The following B3GALNT1 variants were observed in gnomAD, a reference collection of about 807,000 sequenced individuals.
B3GALNT1 encodes beta-1,3-N-acetylgalactosaminyltransferase 1 (Globoside blood group), also known as UDP-GalNAc:beta-1,3-N-acetylgalactosaminyltransferase 1.
A neutral mutation model predicts 27.3 loss-of-function variants in B3GALNT1; 17 were observed. The observed-to-expected ratio is 0.62, with a 90% confidence interval of 0.43 to 0.94. B3GALNT1 has a LOEUF of 0.94. Ranked by LOEUF, B3GALNT1 falls within the 40% of genes least tolerant of loss-of-function variation. B3GALNT1 has a pLI of 0.00. For synonymous variants in B3GALNT1, 141 were observed against 144.0 expected, an observed-to-expected ratio of 0.98 and a Z score of 0.15; for missense variants, 347 against 390.0, an observed-to-expected ratio of 0.89 and a Z score of 0.93.
chr3:161,091,692 A>C (rs1160002749), intron 4 of B3GALNT1, among the ~76,000 whole-genome samples: 1 of 152,226 alleles, frequency 6.6e-6, no homozygotes. Context: ...GTCAAAGAGA[A>C]GCTCAAAGTG....
Position 161,086,440 on chromosome 3 carries a change from C to A in B3GALNT1, c.315G>T (p.Lys105Asn). 1 of 1,613,916 alleles carries A rather than the reference C, an allele frequency of 6.2e-7. No individual in the cohort carries two copies. The change falls in exon 5 of 5, where the codon AAG becomes AAT. Residue 105 changes from lysine to asparagine, a missense_variant. Transcript: ENST00000320474. ...TAAGAACCTCATATCCCCACCAAGACTTTTTTTCACCCCAAGTAACTCTAA... is the reference window on the plus strand; with the variant it reads ...TAAGAACCTCATATCCCCACCAAGAATTTTTTTCACCCCAAGTAACTCTAA... ...QAIRVTWGEK[K>N]SWWGYEVLTF...
intron 4 of B3GALNT1, among the ~76,000 whole-genome samples, chr3:161,092,558 G>A (rs946538288): frequency 2.6e-5 from 4 of 152,042 alleles, no homozygotes; most frequent in African/African-American, 9.7e-5. Context: ...GTAATTAACA[G>A]CTGCTAATTC....
chr3:161,090,280 C>T (rs1407727169), intron 4 of B3GALNT1, among the ~76,000 whole-genome samples: 4 of 151,882 alleles, frequency 2.6e-5, no homozygotes, highest in African/African-American at 9.7e-5. Context: ...AATGGGAAAA[C>T]TTATAATCCT....
intron 4 of B3GALNT1, among the ~76,000 whole-genome samples, chr3:161,096,820 C>A (rs914970004): frequency 6.6e-6 from 1 of 152,182 alleles, no homozygotes; most frequent in African/African-American, 2.4e-5. Context: ...TCTCACTTTG[C>A]GGCACATTAT....
In B3GALNT1 at chr3:161,084,854, G is replaced by C; in HGVS notation, c.*905C>G. On this transcript the variant is annotated 3_prime_UTR_variant, in exon 5 of 5. Coordinates refer to ENST00000320474, the MANE Select transcript of B3GALNT1 (RefSeq NM_003781.4). ...TTCTCTCCCTTCTTTTCTGCCTTCA[G>C]AGTCCTTTCCAAAAGGAAATTACTG... 6.6e-6 allele frequency: 1 copy of C among 152,202 alleles called. No individual in the cohort carries two copies. The highest frequency in any genetic ancestry group is 2.1e-4 in the South Asian group (1 of 4,808). 9.4% of individuals were successfully genotyped at this position (152,202 alleles called of 1,614,324 possible).
intron 4 of B3GALNT1, among the ~76,000 whole-genome samples, chr3:161,095,144 T>G (rs535643548): frequency 1.3e-5 from 2 of 152,266 alleles, no homozygotes; most frequent in Admixed American, 6.5e-5. Context: ...ACTCCCATTC[T>G]TATCCCTGAA....
rs540431780 is a variant in B3GALNT1 at position 161,086,611 on chromosome 3, G to A, written c.144C>T (p.Asn48=). ...LPHYNVIERV[N]WMYFYEYEPI... ...GCTCATACTCATAGAAGTACATCCAGTTCACGCGTTCTATCACATTGTAGT... is the reference window on the plus strand; with the variant it reads ...GCTCATACTCATAGAAGTACATCCAATTCACGCGTTCTATCACATTGTAGT... The change falls in exon 5 of 5, where the codon AAC becomes AAT. Residue 48 remains asparagine (N), a synonymous_variant. Coordinates refer to ENST00000320474, the MANE Select transcript of B3GALNT1 (RefSeq NM_003781.4). 1.2e-6 allele frequency: 2 copies of A among 1,614,178 alleles called. No individual in the cohort carries two copies. The highest frequency in any genetic ancestry group is 2.7e-5 in the African/African-American group (2 of 75,030).
chr3:161,096,645 T>C (rs1373669000), intron 4 of B3GALNT1, among the ~76,000 whole-genome samples: 2 of 152,174 alleles, frequency 1.3e-5, no homozygotes, highest in Non-Finnish European at 2.9e-5. Flanking sequence ...CATAAAGCAA[T>C]ATAAAACTCT....
intron 4 of B3GALNT1, among the ~76,000 whole-genome samples, chr3:161,099,535 C>T (rs1237293791): frequency 1.3e-5 from 2 of 152,178 alleles, no homozygotes; most frequent in African/African-American, 4.8e-5. Context: ...AATAACTGGG[C>T]AGTCAGGAAA....
chr3:161,089,140 T>C, intron 4 of B3GALNT1, among the ~76,000 whole-genome samples: 1 of 152,220 alleles, frequency 6.6e-6, no homozygotes, highest in Non-Finnish European at 1.5e-5. Context: ...ATGGGTATGT[T>C]ATGTATCTCT....
At chr3:161,100,802 T>C (rs917967062) in intron 4 of B3GALNT1, among the ~76,000 whole-genome samples, 2 of 151,928 alleles carry the variant, frequency 1.3e-5, no homozygotes, top group Non-Finnish European at 2.9e-5. Context: ...CTTAATAATT[T>C]GCAATACATG....
Position 161,086,215 on chromosome 3 carries a change from G to C in B3GALNT1, c.540C>G (p.Asp180Glu). ...TGCCAGTATTGATGAAAACATCAGT[G>C]TCTGTCTTCATTACGTACTTGGCAT... ...CPNAKYVMKT[D>E]TDVFINTGNL... is the part of the protein sequence containing the mutation. The change falls in exon 5 of 5, where the codon GAC becomes GAG. Residue 180 changes from aspartate to glutamate, a missense_variant. Transcript: ENST00000320474. The C allele has an allele frequency of 6.2e-7, 1 of 1,613,954 alleles. No homozygotes were observed. The highest frequency in any genetic ancestry group is 8.5e-7 in the Non-Finnish European group (1 of 1,179,884).
rs769316744 is a variant in B3GALNT1, at chr3:161,086,550, C to T, written c.205G>A (p.Glu69Lys). The change falls in exon 5 of 5, where the codon GAG becomes AAG. Residue 69 changes from glutamate (E) to lysine (K), a missense_variant. Physicochemically the swap from Glu to Lys is moderately conservative, Grantham distance 56 (BLOSUM62 1). Coordinates refer to ENST00000320474, the MANE Select transcript of B3GALNT1 (RefSeq NM_003781.4). ...YRQDFHFTLR[E>K]HSNCSHQNPF... is the part of the protein sequence containing the mutation. ...TTTTGATGAGAGCAGTTTGAATGCT[C>T]TCGAAGTGTGAAGTGAAAGTCTTGT... 41 of 1,614,054 alleles carry T rather than the reference C, an allele frequency of 2.5e-5. 1 individual carries two copies. Among genetic ancestry groups the T allele is most frequent in the Non-Finnish European group, 3.1e-5 (37 of 1,180,052 alleles).
intron 4 of B3GALNT1, among the ~76,000 whole-genome samples, chr3:161,099,634 C>G (rs1420489823): frequency 6.6e-6 from 1 of 152,140 alleles, no homozygotes; most frequent in Non-Finnish European, 1.5e-5. Flanking sequence ...GCTAGGATAC[C>G]TCTCAGGCAC....
At chr3:161,102,124 T>C (rs1345500933) in intron 3 of B3GALNT1, among the ~76,000 whole-genome samples, 1 of 152,236 alleles carries the variant, frequency 6.6e-6, no homozygotes, top group African/African-American at 2.4e-5. Flanking sequence ...CTGTCTCAGC[T>C]ACTCCATTCT....
rs1721607708 is a variant in B3GALNT1, at chr3:161,086,095, T to C, written c.660A>G (p.Gln220=). Residue 220 remains glutamine (Q), a synonymous_variant, in exon 5 of 5, where the codon CAA becomes CAG. Transcript: ENST00000320474. ...IDNYSYRGFY[Q]KTHISYQEYP... is the part of the protein sequence containing the mutation. ...ACTCCTGGTAAGAAATATGGGTTTT[T>C]TGGTAAAATCCTCTATAGGAATAAT... is the stretch of plus-strand genomic sequence containing the variant. 3 of 1,600,068 alleles carry C rather than the reference T, an allele frequency of 1.9e-6. No individual in the cohort carries two copies. Among genetic ancestry groups the C allele is most frequent in the Non-Finnish European group, 2.6e-6 (3 of 1,174,098 alleles).
chr3:161,095,900 C>T (rs542783497), intron 4 of B3GALNT1, among the ~76,000 whole-genome samples: 1 of 152,370 alleles, frequency 6.6e-6, no homozygotes, highest in African/African-American at 2.4e-5. Flanking sequence ...CGCCCATCCA[C>T]CCACTCCCCT....
rs2231253 is a variant in B3GALNT1 at position 161,087,108 on chromosome 3, A to G, written c.-34-320T>C. Among the ~76,000 whole-genome samples, 288 of 152,348 alleles carry G rather than the reference A, an allele frequency of 1.9e-3. 1 individual carries two copies. Among genetic ancestry groups the G allele is most frequent in the African/African-American group, 6.3e-3 (260 of 41,576 alleles). ...AGGTGCAGATATGATAGGGACAGAA[A>G]GAGATGGGTAATGATGGGTTAAAAA... On this transcript the variant is annotated intron_variant, in intron 4 of 4. Coordinates refer to ENST00000320474, the MANE Select transcript of B3GALNT1 (RefSeq NM_003781.4).
intron 4 of B3GALNT1, among the ~76,000 whole-genome samples, chr3:161,094,370 A>G (rs1384586690): frequency 4.6e-5 from 7 of 152,172 alleles, no homozygotes; most frequent in African/African-American, 1.2e-4. Context: ...GCAGATATAC[A>G]CCTTTTTATT....
Sources: gnomAD v4.1 joint callset for allele counts (sites outside exome capture counted in the v4.1 genomes callset) on GRCh38, gnomAD v4.1.1 for gene constraint, MANE v1.5 for transcripts, NCBI Gene and HGNC (gene_info 2026-07-23, HGNC 2026-07-21) for gene names.